The following MPDZ variants were observed in gnomAD, a reference collection of about 807,000 sequenced individuals.
The protein encoded by MPDZ is multiple PDZ domain crumbs cell polarity complex component, also known as multiple PDZ domain protein.
Under a neutral mutation model 239.1 loss-of-function variants are expected in MPDZ, and 234 were observed. The observed-to-expected ratio is 0.98, with a 90% CI of 0.88 to 1.09. MPDZ has a LOEUF of 1.09. Among genes scored for constraint, MPDZ ranks in the 50% least tolerant of loss-of-function variants. MPDZ has a pLI of 0.00. For missense variants in MPDZ, 3,175 were observed against 2,510.0 expected (o/e 1.26, Z -5.66); for synonymous variants, 1,048 against 881.3 (o/e 1.19, Z -3.35).
At chr9:13,264,312 T>C (rs1971325473) in intron 1 of MPDZ, among the ~76,000 whole-genome samples, 1 of 152,236 alleles carries the variant, frequency 6.6e-6, no homozygotes, top group Non-Finnish European at 1.5e-5. Flanking sequence ...ACACAACTTT[T>C]ATAAAGAATA....
At chr9:13,254,599 C>CT (rs1338520805) in intron 1 of MPDZ, among the ~76,000 whole-genome samples, 2 of 152,130 alleles carry the variant, frequency 1.3e-5, no homozygotes, top group African/African-American at 2.4e-5. Context: ...ACAAGCATAT[C>CT]TGAGATATTG....
At chr9:13,199,891 C>A (rs374713227) in intron 12 of MPDZ, among the ~76,000 whole-genome samples, 6 of 151,914 alleles carry the variant, frequency 3.9e-5, no homozygotes, top group African/African-American at 1.2e-4. Flanking sequence ...TTTGCAACTA[C>A]GTTCATGAAG....
At chr9:13,257,085 C>CT (rs1379926521) in intron 1 of MPDZ, among the ~76,000 whole-genome samples, 1 of 152,156 alleles carries the variant, frequency 6.6e-6, no homozygotes, top group African/African-American at 2.4e-5. Context: ...TTCCCTCTAG[C>CT]TGCTGTTCAT....
intron 18 of MPDZ, 29 bp from the exon 19 acceptor site, chr9:13,183,614 G>A (rs775028172): frequency 6.2e-7 from 1 of 1,605,498 alleles, no homozygotes; most frequent in Non-Finnish European, 8.5e-7. Context: ...TATCAGTTGG[G>A]AATTCTGTTC....
chr9:13,166,281 C>G (rs1014158226), intron 22 of MPDZ, among the ~76,000 whole-genome samples: 6 of 152,114 alleles, frequency 3.9e-5, no homozygotes, highest in African/African-American at 1.4e-4. Flanking sequence ...AATTCTAAAC[C>G]TTTTGCTTCA....
At chr9:13,269,589 T>C (rs1972518317) in intron 1 of MPDZ, among the ~76,000 whole-genome samples, 1 of 152,190 alleles carries the variant, frequency 6.6e-6, no homozygotes, top group East Asian at 1.9e-4. Context: ...CAAATGTACC[T>C]CTAGTGCTTC....
At chr9:13,191,246 AC>A (rs1954877322) in intron 15 of MPDZ, among the ~76,000 whole-genome samples, 1 of 152,214 alleles carries the variant, frequency 6.6e-6, no homozygotes, top group East Asian at 1.9e-4. Flanking sequence ...TATTCTAATC[AC>A]CCATATGAAT....
Position 13,140,936 on chromosome 9 carries a change from C to G in MPDZ, c.3841-787G>C, listed in dbSNP as rs926674110. 3 of 152,104 alleles carry G rather than the reference C, an allele frequency of 2.0e-5. No individual in the cohort carries two copies. The East Asian group carries it at 5.8e-4, about 29-fold the overall frequency. The allele number at this position is 152,104 out of a possible 1,614,324, so 9.4% of individuals were successfully genotyped here. On this transcript the variant is annotated intron_variant, in intron 27 of 46. Transcript: ENST00000319217. ...CTACCAGAGAGCCAGTTTGTTAGCA[C>G]AGAGCACACACTCGGATGTGAGCGG...
chr9:13,215,747 T>C (rs1443024275), intron 10 of MPDZ, among the ~76,000 whole-genome samples: 4 of 139,316 alleles, frequency 2.9e-5, no homozygotes, highest in South Asian at 2.3e-4. Context: ...GGTTTCTCTA[T>C]TGCAGGTTTT....
At chr9:13,221,269 G>A in intron 7 of MPDZ, 103 bp downstream of exon 7, 11 of 1,243,692 alleles carry the variant, frequency 8.8e-6, no homozygotes, top group Non-Finnish European at 1.2e-5. Flanking sequence ...AATTTCTTTG[G>A]CATCATTTAA....
intron 3 of MPDZ, among the ~76,000 whole-genome samples, chr9:13,236,259 ATATATATATTTTTTT>A (rs1963970053): frequency 1.3e-4 from 3 of 23,176 alleles, no homozygotes; most frequent in Non-Finnish European, 1.8e-4. Flanking sequence ...GTATATATAT[ATATATATATTTTTTT>A]TTTTTTTTTT....
At chr9:13,258,125 T>C (rs1019488124) in intron 1 of MPDZ, among the ~76,000 whole-genome samples, 4 of 152,202 alleles carry the variant, frequency 2.6e-5, no homozygotes, top group East Asian at 1.9e-4. Context: ...TGGTATTATT[T>C]AGAAATAGGA....
chr9:13,130,340 T>G (rs1945788263), intron 32 of MPDZ, among the ~76,000 whole-genome samples: 1 of 152,140 alleles, frequency 6.6e-6, no homozygotes, highest in African/African-American at 2.4e-5. Context: ...TTATTAGAGC[T>G]CCCACTTTTA....
rs142471164 is a variant in MPDZ, at chr9:13,252,270, T to G, written c.-57-1898A>C. On this transcript the variant is annotated intron_variant, in intron 1 of 46. Coordinates refer to ENST00000319217, the MANE Select transcript of MPDZ (RefSeq NM_001378778.1). ...CTCAAAAACAATTAACTTCTGGCAA[T>G]TAAAACACATAAATAGGCCGGGCGC... 4.8e-3 allele frequency among the ~76,000 whole-genome samples: 734 copies of G among 152,114 alleles called. 5 individuals are homozygous for G. Among genetic ancestry groups the G allele is most frequent in the African/African-American group, 0.016 (652 of 41,498 alleles).
intron 7 of MPDZ, 27 bp from the exon 8 acceptor site, chr9:13,219,795 G>T: frequency 6.3e-7 from 1 of 1,591,176 alleles, no homozygotes; most frequent in Non-Finnish European, 8.6e-7. Flanking sequence ...TGAATAATTA[G>T]ACTATTATTA....
intron 15 of MPDZ, 43 bp downstream of exon 15, chr9:13,192,088 C>T (rs1174778426): frequency 1.4e-6 from 2 of 1,448,536 alleles, no homozygotes; most frequent in Admixed American, 4.7e-5. Flanking sequence ...TTTAGCCTTT[C>T]CATTATATAT....
intron 24 of MPDZ, among the ~76,000 whole-genome samples, chr9:13,153,279 C>G (rs945995101): frequency 2.6e-5 from 4 of 152,210 alleles, no homozygotes; most frequent in Non-Finnish European, 5.9e-5. Context: ...AAATCTATAA[C>G]TCTAGAAACT....
chr9:13,166,032 C>A (rs778985733), intron 22 of MPDZ, among the ~76,000 whole-genome samples: 1 of 152,076 alleles, frequency 6.6e-6, no homozygotes, highest in Non-Finnish European at 1.5e-5. Context: ...TAAAACCAAT[C>A]AGTTATGTAA....
At chr9:13,205,800 T>C in intron 11 of MPDZ, 116 bp downstream of exon 11, 1 of 958,184 alleles carries the variant, frequency 1.0e-6, no homozygotes, top group Non-Finnish European at 1.5e-6. Context: ...TAGTTGAGGG[T>C]AAAAAGCATT....
Sources: gnomAD v4.1 joint callset for allele counts (sites outside exome capture counted in the v4.1 genomes callset) on GRCh38, gnomAD v4.1.1 for gene constraint, MANE v1.5 for transcripts, NCBI Gene and HGNC (gene_info 2026-07-23, HGNC 2026-07-21) for gene names.